Variants in ODF2 observed in about 807,000 individuals in gnomAD.
ODF2 encodes the protein outer dense fiber protein 2.
A neutral mutation model predicts 110.2 loss-of-function variants in ODF2; 47 were observed. That is an observed-to-expected ratio of 0.43 (90% CI 0.34 to 0.54). ODF2 has a LOEUF of 0.54. Ranked by LOEUF, ODF2 falls within the 20% of genes least tolerant of loss-of-function variation. The probability of loss-of-function intolerance (pLI) is 0.03; values close to 1 mark genes in which losing one functional copy is unlikely to be tolerated. For synonymous variants in ODF2, 352 were observed against 397.7 expected, an observed-to-expected ratio of 0.89 and a Z score of 1.37; for missense variants, 812 against 1,054.5, an observed-to-expected ratio of 0.77 and a Z score of 3.19.
intron 8 of ODF2, 99 bp downstream of exon 8, chr9:128,473,840 C>A (rs1564485685): frequency 2.8e-6 from 3 of 1,072,500 alleles, no homozygotes; most frequent in Non-Finnish European, 4.1e-6. Context: ...TGGTGCCCGA[C>A]CTGAGAGGTC....
At chr9:128,471,436 C>T (rs777215876) in exon 6 of ODF2, 53 of 1,613,358 alleles carry the variant, frequency 3.3e-5, no homozygotes, top group Non-Finnish European at 4.2e-5. Context: ...GGCACAACAT[C>T]GAGCGCATGA....
At position 128,488,148 on chromosome 9, in the gene ODF2, C is replaced by T. The variant is rs1426734515; in HGVS notation, c.1536+123C>T. ...GGGAGTCAGAAAAGCCTGGATTTGA[C>T]CAGGCATGGTGGCTTAGGCCTGTAA... On this transcript the variant is annotated intron_variant, in intron 14 of 20. Coordinates refer to ENST00000604420, the Ensembl canonical transcript of ODF2. 9.3e-6 allele frequency: 11 copies of T among 1,178,152 alleles called. No homozygotes were observed. The East Asian group carries it at 2.5e-4, about 27-fold the overall frequency. The allele number at this position is 1,178,152 out of a possible 1,614,324, so 73.0% of individuals were successfully genotyped here. A position where few individuals can be genotyped will look rare whatever the true frequency, so the allele number is the denominator to read the frequency against.
Position 128,456,601 on chromosome 9 carries a change from C to T in ODF2, c.-209+346C>T, listed in dbSNP as rs1483810461. ...GGTGGGTGGCCGTCCCTTCTCTCCGCCGACAGAGGCTCTCCCTCGCTCTGC... is the reference window on the plus strand; with the variant it reads ...GGTGGGTGGCCGTCCCTTCTCTCCGTCGACAGAGGCTCTCCCTCGCTCTGC... On this transcript the variant is annotated intron_variant, in intron 1 of 20. Transcript: ENST00000604420. The T allele has an allele frequency of 3.9e-6, 6 of 1,521,022 alleles. No individual in the cohort carries two copies. In the East Asian group the frequency reaches 1.6e-4, roughly 39 times the overall value. The allele number at this position is 1,521,022 out of a possible 1,614,324, so 94.2% of individuals were successfully genotyped here. A position where few individuals can be genotyped will look rare whatever the true frequency, so the allele number is the denominator to read the frequency against.
chr9:128,461,183 T>C, intron 4 of ODF2, 116 bp downstream of exon 4: 2 of 1,304,632 alleles, frequency 1.5e-6, no homozygotes, highest in South Asian at 2.8e-5. Context: ...CAGACCCCAT[T>C]TACTGAGGGC....
intron 7 of ODF2, chr9:128,473,382 C>T (rs1443170893): frequency 1.6e-6 from 1 of 643,578 alleles, no homozygotes; most frequent in Non-Finnish European, 1.9e-6. Context: ...TGCTCACCCA[C>T]ACTGAGCCTT....
chr9:128,499,919 T>G (rs1846270791), intron 20 of ODF2, 148 bp from the exon 21 acceptor site: 2 of 721,590 alleles, frequency 2.8e-6, no homozygotes, highest in East Asian at 5.4e-5. Flanking sequence ...CTTAGAATAT[T>G]TTCAGAAAGA....
intron 14 of ODF2, among the ~76,000 whole-genome samples, chr9:128,491,302 C>T (rs530415841): frequency 6.6e-6 from 1 of 152,030 alleles, no homozygotes; most frequent in East Asian, 2.0e-4. Flanking sequence ...CTTGGCCTCC[C>T]AAAGTGCTGG....
chr9:128,480,945 T>C (rs1479723688), intron 8 of ODF2, among the ~76,000 whole-genome samples: 1 of 152,138 alleles, frequency 6.6e-6, no homozygotes, highest in Non-Finnish European at 1.5e-5. Flanking sequence ...TGCAGCAAAA[T>C]GCTGTTTCAT....
chr9:128,466,558 C>T (rs965481362), intron 4 of ODF2, among the ~76,000 whole-genome samples: 12 of 151,362 alleles, frequency 7.9e-5, no homozygotes, highest in Admixed American at 5.3e-4. Context: ...ACCTGTGTAA[C>T]GATCACCCAG....
intron 4 of ODF2, among the ~76,000 whole-genome samples, chr9:128,462,953 A>G (rs1836893454): frequency 6.6e-6 from 1 of 152,018 alleles, no homozygotes; most frequent in African/African-American, 2.4e-5. Context: ...CCATCAGGAG[A>G]GTGTTGGTTA....
intron 5 of ODF2, among the ~76,000 whole-genome samples, chr9:128,469,764 C>G (rs1839238825): frequency 6.6e-6 from 1 of 150,632 alleles, no homozygotes; most frequent in South Asian, 2.1e-4. Flanking sequence ...GGAGGCGGAT[C>G]CCCTGAGGTC....
intron 5 of ODF2, among the ~76,000 whole-genome samples, chr9:128,470,837 A>G (rs1392855264): frequency 2.0e-5 from 3 of 151,982 alleles, no homozygotes; most frequent in Non-Finnish European, 4.4e-5. Context: ...ATGGCAGTTA[A>G]CTGAGATTGC....
chr9:128,458,134 C>G (rs1466427119), intron 2 of ODF2, among the ~76,000 whole-genome samples: 1 of 1,148 alleles, frequency 8.7e-4, no homozygotes, highest in Admixed American at 0.019. Context: ...ACCCCCTGGT[C>G]GCTCCAGCCT....
At chr9:128,462,108 C>T (rs1192268529) in intron 4 of ODF2, among the ~76,000 whole-genome samples, 1 of 151,386 alleles carries the variant, frequency 6.6e-6, no homozygotes. Flanking sequence ...AAAATGACAA[C>T]TATCTCCTGC....
intron 18 of ODF2, 192 bp downstream of exon 18, chr9:128,496,333 G>A: frequency 6.9e-7 from 1 of 1,455,270 alleles, no homozygotes; most frequent in South Asian, 1.2e-5. Context: ...GGGCCTCTCA[G>A]CCTGGGGAGA....
chr9:128,463,227 A>G (rs1280781901), intron 4 of ODF2, among the ~76,000 whole-genome samples: 2 of 152,210 alleles, frequency 1.3e-5, no homozygotes, highest in East Asian at 1.9e-4. Flanking sequence ...ATGCCACTGC[A>G]TAGCCTGTGT....
At chr9:128,476,315 A>G (rs1841247252) in intron 8 of ODF2, among the ~76,000 whole-genome samples, 2 of 152,104 alleles carry the variant, frequency 1.3e-5, no homozygotes, top group African/African-American at 4.8e-5. Flanking sequence ...TTTGAGACCG[A>G]GTTTCACTCT....
chr9:128,461,165 T>G (rs1482719842), intron 4 of ODF2, 98 bp downstream of exon 4: 2 of 1,464,688 alleles, frequency 1.4e-6, no homozygotes, highest in Non-Finnish European at 1.9e-6. Flanking sequence ...GCTACTGGAA[T>G]GTCCTAACAG....
chr9:128,460,518 C>T (rs760840536), intron 3 of ODF2, 32 bp from the exon 3 acceptor site: 4 of 1,609,350 alleles, frequency 2.5e-6, no homozygotes, highest in African/African-American at 2.7e-5. Flanking sequence ...CACAGATCAA[C>T]CATTTTTGTG....
Sources: gnomAD v4.1 joint callset for allele counts (sites outside exome capture counted in the v4.1 genomes callset) on GRCh38, gnomAD v4.1.1 for gene constraint, MANE v1.5 for transcripts, NCBI Gene and HGNC (gene_info 2026-07-23, HGNC 2026-07-21) for gene names.